The following KDM4D variants were observed in gnomAD, a reference collection of about 807,000 sequenced individuals.
The protein encoded by KDM4D is lysine demethylase 4D.
For synonymous variants in KDM4D, 254 were observed against 249.1 expected (o/e 1.02, Z -0.19); for missense variants, 427 against 674.8 (o/e 0.63, Z 4.07).
chr11:94,977,819 C>A (rs1245283210), intron 2 of KDM4D, among the ~76,000 whole-genome samples: 6 of 152,044 alleles, frequency 3.9e-5, no homozygotes, highest in Non-Finnish European at 8.8e-5. Flanking sequence ...ATAGGTCAAG[C>A]ATTAAAACAA....
chr11:94,975,410 TGCCCTTTCCTA>T (rs1857789414), intron 1 of KDM4D, among the ~76,000 whole-genome samples: 1 of 152,228 alleles, frequency 6.6e-6, no homozygotes, highest in African/African-American at 2.4e-5. Context: ...ATTCCAGTTC[TGCCCTTTCCTA>T]GCTCTATAAC....
At chr11:94,984,112 T>G (rs1247650893) in intron 2 of KDM4D, among the ~76,000 whole-genome samples, 1 of 152,222 alleles carries the variant, frequency 6.6e-6, no homozygotes, top group Non-Finnish European at 1.5e-5. Flanking sequence ...TATGTGTATG[T>G]ATGTATATAT....
At chr11:94,988,560 C>T (rs1857907734) in intron 2 of KDM4D, among the ~76,000 whole-genome samples, 2 of 152,184 alleles carry the variant, frequency 1.3e-5, no homozygotes, top group Admixed American at 6.5e-5. Context: ...TGGAGAAGGG[C>T]AGTGAGAGAC....
chr11:94,999,166 T>TA lies in KDM4D; in HGVS notation c.*226dup, dbSNP rs1858006192. 1 of 412,190 alleles carries TA rather than the reference T, an allele frequency of 2.4e-6. No homozygotes were observed. Among genetic ancestry groups the TA allele is most frequent in the African/African-American group, 2.0e-5 (1 of 48,888 alleles). The allele number at this position is 412,190 out of a possible 1,614,324, so 25.5% of individuals were successfully genotyped here. On this transcript the variant is annotated 3_prime_UTR_variant, in exon 3 of 3. Transcript: ENST00000335080. The stretch of plus-strand genomic sequence containing the variant: ...ACCCTGGAATGTCTTTGGATATTGC[T>TA]AAAATCTATTTCTGCAGCTGAGGTT...
intron 2 of KDM4D, among the ~76,000 whole-genome samples, chr11:94,985,432 T>G (rs959209145): frequency 6.6e-6 from 1 of 152,180 alleles, no homozygotes; most frequent in African/African-American, 2.4e-5. Context: ...CTAGAAAATA[T>G]TGTTAAGCTA....
chr11:94,975,312 T>C (rs1361243878), intron 1 of KDM4D, among the ~76,000 whole-genome samples: 2 of 152,268 alleles, frequency 1.3e-5, no homozygotes, highest in East Asian at 3.9e-4. Flanking sequence ...GTCTATTCTA[T>C]TCATTTTTTA....
chr11:94,976,898 T>G (rs1857801984), intron 2 of KDM4D, among the ~76,000 whole-genome samples: 1 of 152,156 alleles, frequency 6.6e-6, no homozygotes, highest in South Asian at 2.1e-4. Context: ...GCAGAACACC[T>G]TAAGAGCTTT....
chr11:94,978,244 AC>A (rs1410077410), intron 2 of KDM4D, among the ~76,000 whole-genome samples: 3 of 152,176 alleles, frequency 2.0e-5, no homozygotes, highest in African/African-American at 7.2e-5. Context: ...TTATTGGCCC[AC>A]AAAATGTGAA....
chr11:94,995,571 GT>G (rs1857969044), intron 2 of KDM4D, among the ~76,000 whole-genome samples: 1 of 152,150 alleles, frequency 6.6e-6, no homozygotes, highest in South Asian at 2.1e-4. Flanking sequence ...GGGAGAAACA[GT>G]TTGAAGTTGA....
At chr11:94,990,010 C>T (rs182304188) in intron 2 of KDM4D, among the ~76,000 whole-genome samples, 11 of 152,286 alleles carry the variant, frequency 7.2e-5, no homozygotes, top group Middle Eastern at 3.4e-3. Context: ...CCACCCACCT[C>T]GGCCTCCCAA....
chr11:94,986,734 A>G (rs1857891261), intron 2 of KDM4D, among the ~76,000 whole-genome samples: 1 of 151,012 alleles, frequency 6.6e-6, no homozygotes, highest in Non-Finnish European at 1.5e-5. Context: ...TAAATGTTAC[A>G]TTTACTTTGA....
chr11:94,978,992 G>A (rs190496188), intron 2 of KDM4D, among the ~76,000 whole-genome samples: 1 of 152,200 alleles, frequency 6.6e-6, no homozygotes, highest in East Asian at 1.9e-4. Flanking sequence ...ATTTCTCTCA[G>A]ACGAGCAGAT....
At chr11:94,983,450 A>G (rs587726851) in intron 2 of KDM4D, among the ~76,000 whole-genome samples, 1 of 152,270 alleles carries the variant, frequency 6.6e-6, no homozygotes, top group East Asian at 1.9e-4. Flanking sequence ...GAAAAGATCA[A>G]TAAATTTGAC....
chr11:94,979,501 A>G (rs1175266449), intron 2 of KDM4D, among the ~76,000 whole-genome samples: 2 of 152,204 alleles, frequency 1.3e-5, no homozygotes, highest in African/African-American at 4.8e-5. Context: ...AAGTGCTGGG[A>G]TTACAGGTGT....
chr11:94,999,008 T>C lies in KDM4D; in HGVS notation c.*64T>C. 1 of 1,432,592 alleles carries C rather than the reference T, an allele frequency of 7.0e-7. No individual in the cohort carries two copies. Among genetic ancestry groups the C allele is most frequent in the Non-Finnish European group, 9.2e-7 (1 of 1,086,202 alleles). 88.7% of individuals were successfully genotyped at this position (1,432,592 alleles called of 1,614,324 possible). A position where few individuals can be genotyped will look rare whatever the true frequency, so the allele number is the denominator to read the frequency against. ...TGACAGTTTGATGAAACTGGTTACA[T>C]TTACATCCCAAAACTTTGGTTGAGT... On this transcript the variant is annotated 3_prime_UTR_variant, in exon 3 of 3. Transcript: ENST00000335080.
rs144523957 is a variant in KDM4D at position 94,997,711 on chromosome 11, A to C, written c.339A>C (p.Pro113=). Residue 113 remains proline, a synonymous_variant, in exon 3 of 3, where the codon CCA becomes CCC. Transcript: ENST00000335080. ...HLANSKKYQT[P]PHQNFEDLER... ...CAAACAGTAAAAAATATCAGACTCC[A>C]CCACACCAGAATTTCGAAGATTTGG... The C allele has an allele frequency of 3.7e-6, 6 of 1,614,090 alleles. No individual in the cohort carries two copies. The African/African-American group carries it at 5.3e-5, about 14-fold the overall frequency.
rs1224434219 is a variant in KDM4D at position 94,993,674 on chromosome 11, A to T, written c.-349-3350A>T. On this transcript the variant is annotated intron_variant, in intron 2 of 2. Transcript: ENST00000335080. ...GTAACGCAGTTTATAAAACAGATAC[A>T]AAGTGCTCAACCCAAAGCTTATTTT... Among the ~76,000 whole-genome samples the T allele has an allele frequency of 2.0e-5, 3 of 152,298 alleles. No individual in the cohort carries two copies. The South Asian group carries it at 6.2e-4, about 32-fold the overall frequency.
rs190765876 is a variant in KDM4D at position 94,996,356 on chromosome 11, A to G, written c.-349-668A>G. Among the ~76,000 whole-genome samples the G allele has an allele frequency of 3.4e-4, 52 of 152,266 alleles. 2 individuals carry two copies. In the South Asian group the frequency reaches 0.011, roughly 32 times the overall value. ...TCAAGAGATCCCCTCAAGCCCCCCT[A>G]CACAACAACCCCTCTTTTCCCAAGG... On this transcript the variant is annotated intron_variant, in intron 2 of 2. Coordinates refer to ENST00000335080, the MANE Select transcript of KDM4D (RefSeq NM_018039.3).
chr11:94,986,317 T>G (rs1857887038), intron 2 of KDM4D, among the ~76,000 whole-genome samples: 1 of 152,160 alleles, frequency 6.6e-6, no homozygotes, highest in South Asian at 2.1e-4. Context: ...AGGCCAGCCT[T>G]GGTGGCTCGC....
Sources: gnomAD v4.1 joint callset for allele counts (sites outside exome capture counted in the v4.1 genomes callset) on GRCh38, gnomAD v4.1.1 for gene constraint, MANE v1.5 for transcripts, NCBI Gene and HGNC (gene_info 2026-07-23, HGNC 2026-07-21) for gene names.